Variants in LRP1B observed in about 807,000 individuals in gnomAD.
LRP1B encodes the protein low-density lipoprotein receptor-related protein 1B.
In LRP1B, 217 loss-of-function variants were observed where a neutral mutation model predicts 556.6. That is an observed-to-expected ratio of 0.39 (90% confidence interval 0.35 to 0.44). The LOEUF (loss-of-function observed/expected upper bound fraction) is 0.44, where lower values mean the gene tolerates loss of function less well. Ranked by LOEUF, LRP1B falls within the 20% of genes least tolerant of loss-of-function variation. The pLI is 1.00. For synonymous variants in LRP1B, 2,047 were observed against 1,865.8 expected, an observed-to-expected ratio of 1.10 and a Z score of -2.50; for missense variants, 5,053 against 5,620.8, an observed-to-expected ratio of 0.90 and a Z score of 3.23.
chr2:141,711,490 G>A (rs1692355029), intron 2 of LRP1B, among the ~76,000 whole-genome samples: 2 of 152,184 alleles, frequency 1.3e-5, no homozygotes, highest in Non-Finnish European at 2.9e-5. Flanking sequence ...GCTAGAGAGT[G>A]AGCATGAGAC....
chr2:142,107,709 C>A (rs1173713463), intron 1 of LRP1B, among the ~76,000 whole-genome samples: 1 of 151,812 alleles, frequency 6.6e-6, no homozygotes, highest in Non-Finnish European at 1.5e-5. Context: ...CTCATTGCAA[C>A]CTCCGCCTCC....
intron 1 of LRP1B, among the ~76,000 whole-genome samples, chr2:142,106,686 G>A (rs1706757420): frequency 6.6e-6 from 1 of 152,094 alleles, no homozygotes; most frequent in African/African-American, 2.4e-5. Context: ...AAATGCTGGA[G>A]CAATTTAATA....
At chr2:140,658,055 G>A (rs901241144) in intron 41 of LRP1B, among the ~76,000 whole-genome samples, 12 of 151,976 alleles carry the variant, frequency 7.9e-5, no homozygotes, top group African/African-American at 2.4e-4. Context: ...ACATTCATAA[G>A]TTAATATCTA....
chr2:142,008,176 C>T (rs551775714), intron 1 of LRP1B, among the ~76,000 whole-genome samples: 41 of 152,290 alleles, frequency 2.7e-4, no homozygotes, highest in African/African-American at 9.6e-4. Flanking sequence ...ATAGATTTAA[C>T]CTTGGATTTG....
chr2:140,782,646 ATTATT>A (rs1459894785), intron 32 of LRP1B, among the ~76,000 whole-genome samples: 2 of 152,156 alleles, frequency 1.3e-5, no homozygotes, highest in East Asian at 3.8e-4. Flanking sequence ...GAATTAATGG[ATTATT>A]TTAATATTCA....
chr2:141,349,207 T>C (rs1339943338), intron 3 of LRP1B, among the ~76,000 whole-genome samples: 1 of 152,026 alleles, frequency 6.6e-6, no homozygotes, highest in Non-Finnish European at 1.5e-5. Flanking sequence ...TGATTGTAAA[T>C]AACTAATCAA....
intron 43 of LRP1B, among the ~76,000 whole-genome samples, chr2:140,550,652 A>G (rs906246964): frequency 3.9e-5 from 6 of 152,162 alleles, no homozygotes; most frequent in African/African-American, 1.4e-4. Context: ...GGAGGCTTGG[A>G]AAACTAATGC....
intron 57 of LRP1B, among the ~76,000 whole-genome samples, chr2:140,491,221 T>C (rs976497902): frequency 3.9e-5 from 6 of 152,146 alleles, no homozygotes; most frequent in Admixed American, 3.3e-4. Flanking sequence ...AGCTCTGTCA[T>C]GAAGATAATG....
intron 2 of LRP1B, among the ~76,000 whole-genome samples, chr2:141,726,319 TA>T (rs892058599): frequency 8.0e-5 from 12 of 150,848 alleles, no homozygotes; most frequent in South Asian, 2.1e-4. Context: ...GAGGTAATTT[TA>T]AAAAAAAATT....
At chr2:140,686,302 C>T (rs1486267575) in intron 41 of LRP1B, among the ~76,000 whole-genome samples, 1 of 151,958 alleles carries the variant, frequency 6.6e-6, no homozygotes, top group Non-Finnish European at 1.5e-5. Flanking sequence ...TAGGAACTAA[C>T]TCAATTAAGT....
At chr2:140,707,136 G>A (rs1185648619) in intron 37 of LRP1B, among the ~76,000 whole-genome samples, 6 of 152,042 alleles carry the variant, frequency 3.9e-5, no homozygotes, top group African/African-American at 2.4e-5. Context: ...CCTAGAGCTC[G>A]AATTTGAGTT....
chr2:141,619,305 G>A (rs1024581195), intron 2 of LRP1B, among the ~76,000 whole-genome samples: 9 of 152,122 alleles, frequency 5.9e-5, no homozygotes, highest in African/African-American at 1.9e-4. Flanking sequence ...AGTAATCTAC[G>A]AACTCTTTAA....
At position 140,587,128 on chromosome 2, in the gene LRP1B, T is replaced by C. The variant is rs1397576675; in HGVS notation, c.7194+11503A>G. On this transcript the variant is annotated intron_variant, in intron 43 of 90. Transcript: ENST00000389484. ...GGAAATGGAAGATGTGTCAGTAAAC[T>C]AAAAAGTAGAATAATAGAAAATAGC... Among the ~76,000 whole-genome samples, 6 of 151,954 alleles carry C rather than the reference T, an allele frequency of 3.9e-5. No individual in the cohort carries two copies. The East Asian group carries it at 1.2e-3, about 29-fold the overall frequency.
At chr2:141,427,359 A>G (rs1680408533) in intron 3 of LRP1B, among the ~76,000 whole-genome samples, 1 of 152,208 alleles carries the variant, frequency 6.6e-6, no homozygotes, top group Admixed American at 6.5e-5. Flanking sequence ...TAAATTTTAA[A>G]AAGTTCAGAC....
intron 4 of LRP1B, 33 bp downstream of exon 4, chr2:141,254,489 A>G (rs1423793424): frequency 6.2e-7 from 1 of 1,608,458 alleles, no homozygotes; most frequent in Non-Finnish European, 8.5e-7. Context: ...GCCTCTATAA[A>G]CAAAATTTGA....
intron 41 of LRP1B, among the ~76,000 whole-genome samples, chr2:140,655,942 C>CAGAAAAAAAAAAAA (rs1684865918): frequency 6.8e-6 from 1 of 146,220 alleles, no homozygotes; most frequent in Non-Finnish European, 1.5e-5. Flanking sequence ...GACTCCGTCT[C>CAGAAAAAAAAAAAA]AAAAAAAACA....
chr2:141,079,002 T>C (rs1699860507), intron 7 of LRP1B, among the ~76,000 whole-genome samples: 1 of 152,116 alleles, frequency 6.6e-6, no homozygotes, highest in Admixed American at 6.6e-5. Flanking sequence ...CAGGGTTTGG[T>C]TTAAAACTCC....
At chr2:141,237,355 T>A (rs866064452) in intron 5 of LRP1B, among the ~76,000 whole-genome samples, 4 of 84,090 alleles carry the variant, frequency 4.8e-5, no homozygotes, top group African/African-American at 1.3e-4. Flanking sequence ...GTTCTAGTGT[T>A]TTTTTTTTTT....
chr2:140,971,059 C>T (rs142697895), intron 18 of LRP1B, among the ~76,000 whole-genome samples: 213 of 152,120 alleles, frequency 1.4e-3, no homozygotes, highest in Non-Finnish European at 2.4e-3. Context: ...AATGATTGGT[C>T]GCTTATTGAA....
Sources: allele counts gnomAD v4.1 joint callset (sites outside exome capture counted in the v4.1 genomes callset), GRCh38; gene constraint gnomAD v4.1.1; transcripts MANE v1.5; gene names NCBI Gene and HGNC (gene_info 2026-07-23, HGNC 2026-07-21).